DOCK1: variants seen among roughly 807,000 people sequenced by gnomAD.
The protein encoded by DOCK1 is dedicator of cytokinesis 1.
In DOCK1, 138 loss-of-function variants were observed where a neutral mutation model predicts 262.7. The observed-to-expected ratio is 0.53, with a 90% CI of 0.46 to 0.61. The LOEUF (loss-of-function observed/expected upper bound fraction) is 0.61, where lower values mean the gene tolerates loss of function less well. DOCK1 is among the 20% of genes least tolerant of loss of function. DOCK1 has a pLI of 0.00. For missense variants in DOCK1, 1,908 were observed against 2,370.7 expected (o/e 0.80, Z 4.05); for synonymous variants, 866 against 867.4 (o/e 1.00, Z 0.03).
chr10:127,401,498 T>C (rs2067221463), intron 38 of DOCK1, among the ~76,000 whole-genome samples: 1 of 152,190 alleles, frequency 6.6e-6, no homozygotes, highest in Non-Finnish European at 1.5e-5. Flanking sequence ...TAGGGTTTGA[T>C]ATGCTGGCCT....
intron 27 of DOCK1, chr10:127,136,822 G>A (rs1282693115): frequency 6.6e-6 from 1 of 152,562 alleles, no homozygotes; most frequent in Non-Finnish European, 1.5e-5. Context: ...TCTTTGAGAT[G>A]GTCAGGGCTT....
chr10:127,154,069 C>T, intron 27 of DOCK1: 1 of 629,956 alleles, frequency 1.6e-6, no homozygotes, highest in Non-Finnish European at 2.9e-6. Flanking sequence ...CAGTTTGCTC[C>T]TGTCTCTGCT....
chr10:127,286,560 A>G (rs192143524), intron 29 of DOCK1, among the ~76,000 whole-genome samples: 1 of 152,264 alleles, frequency 6.6e-6, no homozygotes, highest in Non-Finnish European at 1.5e-5. Flanking sequence ...CACCTTTACC[A>G]CTGTCAACCA....
At chr10:127,204,954 C>T (rs943805773) in intron 27 of DOCK1, among the ~76,000 whole-genome samples, 1 of 152,128 alleles carries the variant, frequency 6.6e-6, no homozygotes, top group African/African-American at 2.4e-5. Flanking sequence ...TGTTTGATGA[C>T]CATGAGCAAT....
At chr10:127,410,754 C>T (rs1257986798) in intron 42 of DOCK1, 86 bp from the exon 43 acceptor site, 3 of 1,210,914 alleles carry the variant, frequency 2.5e-6, no homozygotes, top group Non-Finnish European at 1.2e-6. Flanking sequence ...GAGGCAGTGA[C>T]ATGTTCTAAG....
intron 47 of DOCK1, among the ~76,000 whole-genome samples, chr10:127,429,403 T>C (rs1467811314): frequency 1.3e-5 from 2 of 152,208 alleles, no homozygotes; most frequent in East Asian, 3.9e-4. Context: ...TAAAACGCAG[T>C]CTGGGATGTG....
At chr10:127,304,720 A>G (rs928868257) in intron 29 of DOCK1, among the ~76,000 whole-genome samples, 1 of 152,114 alleles carries the variant, frequency 6.6e-6, no homozygotes, top group African/African-American at 2.4e-5. Context: ...CCTCATCTCT[A>G]CAAAAAATAA....
At chr10:127,120,877 A>G (rs886491696) in intron 25 of DOCK1, among the ~76,000 whole-genome samples, 25 of 152,264 alleles carry the variant, frequency 1.6e-4, no homozygotes, top group African/African-American at 5.5e-4. Flanking sequence ...ACTTTGTATA[A>G]TACTATACCT....
chr10:127,252,576 A>C (rs1332580442), intron 28 of DOCK1, among the ~76,000 whole-genome samples: 1 of 149,934 alleles, frequency 6.7e-6, no homozygotes, highest in East Asian at 2.0e-4. Flanking sequence ...AGGTGTAAGG[A>C]AGGGTTCCAG....
chr10:127,261,739 A>G (rs570632542), intron 29 of DOCK1, among the ~76,000 whole-genome samples: 6,324 of 73,290 alleles, frequency 0.086, 242 homozygotes, highest in Non-Finnish European at 0.11. Flanking sequence ...GCGTGTGTGT[A>G]CCCGTGCTCA....
chr10:127,291,823 C>T (rs2061354228), intron 29 of DOCK1, among the ~76,000 whole-genome samples: 1 of 152,192 alleles, frequency 6.6e-6, no homozygotes, highest in African/African-American at 2.4e-5. Flanking sequence ...CAGGGCATAT[C>T]CAGTGAAATG....
chr10:127,122,152 T>C (rs1277556829), intron 25 of DOCK1, among the ~76,000 whole-genome samples: 4 of 152,208 alleles, frequency 2.6e-5, no homozygotes, highest in African/African-American at 2.4e-5. Flanking sequence ...GGTGCACTCC[T>C]TGGCTTTGCT....
intron 27 of DOCK1, among the ~76,000 whole-genome samples, chr10:127,158,542 G>A (rs1032181739): frequency 6.6e-5 from 10 of 152,126 alleles, no homozygotes; most frequent in African/African-American, 2.2e-4. Flanking sequence ...TACAATACCT[G>A]GTACCTTCTG....
intron 27 of DOCK1, among the ~76,000 whole-genome samples, chr10:127,226,316 G>A (rs1232572591): frequency 2.0e-5 from 3 of 152,076 alleles, no homozygotes; most frequent in Non-Finnish European, 2.9e-5. Context: ...ATTTCTTGGC[G>A]GTCAGTGAAG....
intron 1 of DOCK1, among the ~76,000 whole-genome samples, chr10:126,922,470 A>G (rs1256813422): frequency 1.3e-5 from 2 of 152,084 alleles, no homozygotes; most frequent in East Asian, 3.9e-4. Context: ...AATAATGACC[A>G]TTATTTTTGT....
chr10:127,005,303 G>C (rs2040929906), intron 10 of DOCK1, among the ~76,000 whole-genome samples: 1 of 151,868 alleles, frequency 6.6e-6, no homozygotes, highest in South Asian at 2.1e-4. Context: ...CTGCACTTCA[G>C]CCTAGGCAAC....
At chr10:127,223,628 C>A (rs770318774) in intron 27 of DOCK1, among the ~76,000 whole-genome samples, 9 of 152,092 alleles carry the variant, frequency 5.9e-5, no homozygotes, top group Non-Finnish European at 1.3e-4. Flanking sequence ...CATTTCTTGT[C>A]CCAAGCATTT....
At chr10:127,131,375 T>TA (rs977419482) in intron 27 of DOCK1, among the ~76,000 whole-genome samples, 22 of 152,128 alleles carry the variant, frequency 1.4e-4, no homozygotes, top group South Asian at 4.2e-4. Context: ...TGTAAAGAAG[T>TA]AAAAAAAATC....
intron 28 of DOCK1, among the ~76,000 whole-genome samples, chr10:127,255,979 G>A (rs1296661221): frequency 1.3e-5 from 2 of 152,186 alleles, no homozygotes; most frequent in African/African-American, 2.4e-5. Context: ...GGGAGGACTG[G>A]GATGCTCCCG....
Sources: gnomAD v4.1 joint callset for allele counts (sites outside exome capture counted in the v4.1 genomes callset) on GRCh38, gnomAD v4.1.1 for gene constraint, MANE v1.5 for transcripts, NCBI Gene and HGNC (gene_info 2026-07-23, HGNC 2026-07-21) for gene names.